ANKS1B: variants seen among roughly 807,000 people sequenced by gnomAD.
ANKS1B encodes ankyrin repeat and sterile alpha motif domain containing 1B, also known as ankyrin repeat and sterile alpha motif domain-containing protein 1B.
Under a neutral mutation model 148.3 loss-of-function variants are expected in ANKS1B, and 36 were observed. That is an observed-to-expected ratio of 0.24 (90% CI 0.19 to 0.32). The LOEUF (loss-of-function observed/expected upper bound fraction) is 0.32. ANKS1B is among the 10% of genes least tolerant of loss of function. The pLI is 1.00. For synonymous variants in ANKS1B, 542 were observed against 560.8 expected, an observed-to-expected ratio of 0.97 and a Z score of 0.47; for missense variants, 1,157 against 1,542.6, an observed-to-expected ratio of 0.75 and a Z score of 4.19.
chr12:99,927,892 T>C (rs1327023549), intron 1 of ANKS1B, among the ~76,000 whole-genome samples: 1 of 152,164 alleles, frequency 6.6e-6, no homozygotes, highest in Non-Finnish European at 1.5e-5. Context: ...ATAAAAATAA[T>C]ACTATAACTA....
chr12:99,102,517 G>A (rs994430555), intron 15 of ANKS1B, among the ~76,000 whole-genome samples: 1 of 152,152 alleles, frequency 6.6e-6, no homozygotes, highest in Non-Finnish European at 1.5e-5. Context: ...GCTAAGATAG[G>A]CAGATTGCTT....
At chr12:99,200,466 C>G (rs1290563365) in intron 14 of ANKS1B, among the ~76,000 whole-genome samples, 1 of 152,164 alleles carries the variant, frequency 6.6e-6, no homozygotes, top group Non-Finnish European at 1.5e-5. Context: ...TCTAGTCTTT[C>G]TAAGCAGGAA....
At chr12:99,731,438 G>C (rs935934064) in intron 8 of ANKS1B, among the ~76,000 whole-genome samples, 1 of 150,454 alleles carries the variant, frequency 6.6e-6, no homozygotes, top group African/African-American at 2.4e-5. Context: ...GTGTGTGTGT[G>C]TGTGTGTGTG....
At chr12:99,141,794 G>C (rs2070903594) in intron 15 of ANKS1B, among the ~76,000 whole-genome samples, 1 of 152,066 alleles carries the variant, frequency 6.6e-6, no homozygotes, top group Admixed American at 6.6e-5. Flanking sequence ...ATTCTATGGA[G>C]TATATGTACT....
At chr12:99,044,408 A>G (rs979543723) in intron 17 of ANKS1B, among the ~76,000 whole-genome samples, 2 of 149,578 alleles carry the variant, frequency 1.3e-5, no homozygotes, top group African/African-American at 5.0e-5. Flanking sequence ...TACAAAGTCC[A>G]GGAGCGGAAA....
At chr12:99,944,647 G>T (rs1344722775) in intron 1 of ANKS1B, among the ~76,000 whole-genome samples, 1 of 152,118 alleles carries the variant, frequency 6.6e-6, no homozygotes, top group Non-Finnish European at 1.5e-5. Context: ...TTTCTTACAA[G>T]TTGCAGGACC....
At position 99,077,181 on chromosome 12, in the gene ANKS1B, C is replaced by A. The variant is rs116953641; in HGVS notation, c.2625+7744G>T. 4.0e-3 allele frequency among the ~76,000 whole-genome samples: 612 copies of A among 152,222 alleles called. 24 individuals carry two copies. In the East Asian group the frequency reaches 0.084, roughly 21 times the overall value. On this transcript the variant is annotated intron_variant, in intron 16 of 26. Transcript: ENST00000683438. ...CCTATAGGAAATAGAATATTCTGTG[C>A]CTTCGGTGAGACTGGGTCCCGTCAT...
intron 22 of ANKS1B, among the ~76,000 whole-genome samples, chr12:98,785,154 C>A (rs1014860449): frequency 6.6e-6 from 1 of 152,092 alleles, no homozygotes; most frequent in African/African-American, 2.4e-5. Flanking sequence ...ATAATCTTAG[C>A]AAAAGATGAA....
chr12:99,633,690 T>C (rs1451218810), intron 9 of ANKS1B, among the ~76,000 whole-genome samples: 2 of 152,032 alleles, frequency 1.3e-5, no homozygotes, highest in Non-Finnish European at 2.9e-5. Flanking sequence ...ACCATCAGAG[T>C]GAACAGGCAA....
At chr12:99,464,756 T>G (rs377064878) in intron 10 of ANKS1B, among the ~76,000 whole-genome samples, 6 of 151,914 alleles carry the variant, frequency 3.9e-5, no homozygotes, top group Admixed American at 1.3e-4. Flanking sequence ...AGAATAAAAA[T>G]AAATGAACAA....
chr12:99,229,104 A>C (rs2086416314), intron 14 of ANKS1B, among the ~76,000 whole-genome samples: 2 of 151,938 alleles, frequency 1.3e-5, no homozygotes, highest in South Asian at 4.1e-4. Context: ...AATCTTACTC[A>C]GAGATATCCA....
intron 17 of ANKS1B, among the ~76,000 whole-genome samples, chr12:99,021,473 G>A (rs4762540): frequency 6.6e-6 from 1 of 151,806 alleles, no homozygotes; most frequent in South Asian, 2.1e-4. Context: ...CTCATTTGGG[G>A]GCATGCTTAG....
chr12:98,741,808 T>TGTC (rs2097800969), downstream of ANKS1B, among the ~76,000 whole-genome samples: 1 of 152,196 alleles, frequency 6.6e-6, no homozygotes, highest in East Asian at 1.9e-4. Flanking sequence ...GCCTCTCAAA[T>TGTC]GTCAGAAAAC....
intron 16 of ANKS1B, among the ~76,000 whole-genome samples, chr12:99,060,645 T>C (rs564798778): frequency 6.9e-6 from 1 of 145,250 alleles, no homozygotes; most frequent in South Asian, 2.2e-4. Context: ...CATATACATA[T>C]ATACACATCA....
At chr12:99,242,860 A>G (rs1601994563) in intron 14 of ANKS1B, among the ~76,000 whole-genome samples, 1 of 152,222 alleles carries the variant, frequency 6.6e-6, no homozygotes, top group Admixed American at 6.5e-5. Context: ...CTGAAACTGG[A>G]TCCCTTCCTC....
At chr12:99,763,293 T>C (rs1601659007) in intron 8 of ANKS1B, among the ~76,000 whole-genome samples, 2 of 152,142 alleles carry the variant, frequency 1.3e-5, no homozygotes, top group Admixed American at 6.5e-5. Context: ...ATATACACCA[T>C]GGGATACTAT....
intron 1 of ANKS1B, among the ~76,000 whole-genome samples, chr12:99,831,622 T>C (rs946180928): frequency 6.6e-6 from 1 of 152,192 alleles, no homozygotes; most frequent in African/African-American, 2.4e-5. Flanking sequence ...CAGAGCTTAG[T>C]ACTCATCTTT....
At chr12:98,975,308 C>T (rs1427655241) in intron 17 of ANKS1B, among the ~76,000 whole-genome samples, 1 of 147,952 alleles carries the variant, frequency 6.8e-6, no homozygotes, top group Non-Finnish European at 1.5e-5. Flanking sequence ...CTCCCTCCTT[C>T]CTTCTTCCTT....
intron 1 of ANKS1B, among the ~76,000 whole-genome samples, chr12:99,857,319 T>C (rs1565872909): frequency 6.6e-6 from 1 of 152,028 alleles, no homozygotes; most frequent in Non-Finnish European, 1.5e-5. Flanking sequence ...TATTTAGGAA[T>C]ATATCTAACC....
Sources: allele counts gnomAD v4.1 joint callset (sites outside exome capture counted in the v4.1 genomes callset), GRCh38; gene constraint gnomAD v4.1.1; transcripts MANE v1.5; gene names NCBI Gene and HGNC (gene_info 2026-07-23, HGNC 2026-07-21).